The following VLDLR variants were observed in gnomAD, a reference collection of about 807,000 sequenced individuals.
VLDLR encodes very low density lipoprotein receptor, also known as very low-density lipoprotein receptor.
VLDLR carries 81 observed loss-of-function variants against 112.7 expected under a neutral mutation model. The ratio of observed to expected loss-of-function variants is 0.72; its 90% CI spans 0.60 to 0.86. The LOEUF is 0.86. Among genes scored for constraint, VLDLR ranks in the 40% least tolerant of loss-of-function variants. The pLI, the probability that VLDLR is intolerant of heterozygous loss-of-function variation, is 0.00. For synonymous variants in VLDLR, 436 were observed against 384.8 expected, an observed-to-expected ratio of 1.13 and a Z score of -1.56; for missense variants, 1,237 against 1,099.4, an observed-to-expected ratio of 1.13 and a Z score of -1.77.
chr9:2,643,854 C>A lies in VLDLR; in HGVS notation c.961C>A (p.Pro321Thr). Residue 321 changes from proline (P) to threonine (T), a missense_variant, in exon 7 of 19, where the codon CCT (proline) becomes ACT (threonine). Pro to Thr is a conservative substitution (Grantham distance 38). Transcript: ENST00000382100. The stretch of plus-strand genomic sequence containing the variant: ...CTTTGTAGTCAATCAGTGCTTGGGC[C>A]CTGGAAAATTCAAGTGCAGAAGTGG... ...NCKNVNQCLG[P>T]GKFKCRSGEC... 1 of 1,614,094 alleles carries A rather than the reference C, an allele frequency of 6.2e-7. No homozygotes were observed. The highest frequency in any genetic ancestry group is 1.7e-5 in the Admixed American group (1 of 60,010).
chr9:2,637,814 G>T (rs927419179), intron 2 of VLDLR, among the ~76,000 whole-genome samples: 1 of 152,096 alleles, frequency 6.6e-6, no homozygotes, highest in African/African-American at 2.4e-5. Flanking sequence ...ATGGTGGCAG[G>T]TGCCTGTAGT....
At chr9:2,646,251 G>T in intron 10 of VLDLR, 83 bp from the exon 11 acceptor site, 1 of 1,350,620 alleles carries the variant, frequency 7.4e-7, no homozygotes, top group South Asian at 1.2e-5. Context: ...CAAAGTCATT[G>T]ACCATTTTGT....
In VLDLR at chr9:2,639,887, C is replaced by T. The variant is rs772606236; in HGVS notation, c.231C>T (p.Phe77=). 2.1e-5 allele frequency: 34 copies of T among 1,613,994 alleles called. No homozygotes were observed. Among genetic ancestry groups the T allele is most frequent in the Non-Finnish European group, 2.6e-5 (31 of 1,180,028 alleles). ...CVKKTCAESD[F]VCNNGQCVPS... is the part of the protein sequence containing the mutation. ...AGAAGACGTGTGCTGAATCTGACTT[C>T]GTGTGCAACAATGGCCAGTGTGTTC... Residue 77 remains phenylalanine (F), a synonymous_variant, in exon 3 of 19, where the codon TTC becomes TTT. Coordinates refer to ENST00000382100, the MANE Select transcript of VLDLR (RefSeq NM_003383.5).
In VLDLR at chr9:2,647,560, C is replaced by A; in HGVS notation, c.1790C>A (p.Ala597Glu). The A allele has an allele frequency of 6.2e-7, 1 of 1,614,048 alleles. No homozygotes were observed. Among genetic ancestry groups the A allele is most frequent in the Non-Finnish European group, 8.5e-7 (1 of 1,179,924 alleles). The change falls in exon 12 of 19, where the codon GCG (alanine) becomes GAG (glutamate). Residue 597 changes from alanine (A) to glutamate (E), a missense_variant. Transcript: ENST00000382100. ...NGFDRRPLVT[A>E]DIQWPNGITL... Reference sequence around the variant, plus strand: ...TTCGATAGACGTCCACTGGTGACAGCGGATATCCAGTGGCCTAACGGAATT... The same window carrying A: ...TTCGATAGACGTCCACTGGTGACAGAGGATATCCAGTGGCCTAACGGAATT...
At chr9:2,641,309 C>T in intron 3 of VLDLR, 68 bp from the exon 4 acceptor site, 1 of 1,610,440 alleles carries the variant, frequency 6.2e-7, no homozygotes, top group Non-Finnish European at 8.5e-7. Context: ...CGCTTCCAGG[C>T]AGCACAGGAG....
chr9:2,627,631 G>A (rs1047117980), intron 1 of VLDLR, among the ~76,000 whole-genome samples: 5 of 152,088 alleles, frequency 3.3e-5, no homozygotes, highest in African/African-American at 4.8e-5. Flanking sequence ...TTTGGAGGCC[G>A]AGGCAGGCAG....
At chr9:2,622,298 G>A (rs1300013837) in intron 1 of VLDLR, 27 bp downstream of exon 1, 12 of 1,454,130 alleles carry the variant, frequency 8.3e-6, no homozygotes, top group Non-Finnish European at 1.1e-5. Flanking sequence ...CCCTCCGCCG[G>A]CGGGCGGGAC....
At position 2,635,568 on chromosome 9, in the gene VLDLR, C is replaced by G. The variant is rs1479478230; in HGVS notation, c.198C>G (p.Asn66Lys). The G allele has an allele frequency of 1.2e-6, 2 of 1,614,024 alleles. No individual in the cohort carries two copies. The highest frequency in any genetic ancestry group is 1.7e-6 in the Non-Finnish European group (2 of 1,179,920). Residue 66 changes from asparagine to lysine, a missense_variant, in exon 2 of 19, where the codon AAC (asparagine) becomes AAG (lysine). Coordinates refer to ENST00000382100, the MANE Select transcript of VLDLR (RefSeq NM_003383.5). ...GTGTTGACGGCAGTGATGAAAAGAA[C>G]TGTGGTAAGTAAAGAGTTTGATGAC... ...EDCVDGSDEK[N>K]CVKKTCAESD...
chr9:2,652,758 G>A (rs762210676), intron 17 of VLDLR, 22 bp from the exon 18 acceptor site: 12 of 1,613,960 alleles, frequency 7.4e-6, no homozygotes, highest in South Asian at 1.1e-5. Flanking sequence ...AGCTCACTTA[G>A]CTACCCTCTG....
At chr9:2,642,918 T>C (rs1034457433) in intron 4 of VLDLR, among the ~76,000 whole-genome samples, 1 of 152,242 alleles carries the variant, frequency 6.6e-6, no homozygotes, top group Non-Finnish European at 1.5e-5. Flanking sequence ...CATCTCAAAT[T>C]AATTTCCAGT....
In VLDLR at chr9:2,623,570, A is replaced by C. The variant is rs1816939291; in HGVS notation, c.82+1299A>C. On this transcript the variant is annotated intron_variant, in intron 1 of 18. Transcript: ENST00000382100. ...AGCGCCTGGGGTTTTTACGTCTCCG[A>C]ATGCCCCTGCCCTTTGGTTGCCACT... Among the ~76,000 whole-genome samples the C allele has an allele frequency of 1.3e-5, 2 of 152,210 alleles. 1 individual carries two copies. Among genetic ancestry groups the C allele is most frequent in the South Asian group, 4.1e-4 (2 of 4,832 alleles).
At chr9:2,631,080 T>C (rs747373554) in intron 1 of VLDLR, among the ~76,000 whole-genome samples, 1 of 152,190 alleles carries the variant, frequency 6.6e-6, no homozygotes, top group African/African-American at 2.4e-5. Flanking sequence ...CCATTACTAA[T>C]CATTAGAGAA....
In VLDLR at chr9:2,631,221, G is replaced by A. The variant is rs144291031; in HGVS notation, c.83-4232G>A. Among the ~76,000 whole-genome samples the A allele has an allele frequency of 1.1e-3, 162 of 152,314 alleles. 1 individual carries two copies. Among genetic ancestry groups the A allele is most frequent in the African/African-American group, 3.5e-3 (145 of 41,574 alleles). On this transcript the variant is annotated intron_variant, in intron 1 of 18. Transcript: ENST00000382100. ...AGTCTTATACACTGCTGGTGAGAAT[G>A]TAAACTAATACAGCCACCAAGGAAA...
intron 2 of VLDLR, among the ~76,000 whole-genome samples, chr9:2,638,935 A>G (rs1817714975): frequency 6.6e-6 from 1 of 152,212 alleles, no homozygotes; most frequent in South Asian, 2.1e-4. Flanking sequence ...TAAGTACAAC[A>G]TCTCTTGTTA....
At chr9:2,649,256 G>A (rs1003111420) in intron 14 of VLDLR, among the ~76,000 whole-genome samples, 1 of 152,184 alleles carries the variant, frequency 6.6e-6, no homozygotes, top group African/African-American at 2.4e-5. Context: ...TGCCAGGAGG[G>A]TTGGTGCCTC....
chr9:2,641,354 T>C (rs748861497), intron 3 of VLDLR, 23 bp from the exon 4 acceptor site: 4 of 1,613,786 alleles, frequency 2.5e-6, no homozygotes, highest in South Asian at 2.2e-5. Context: ...TGAGGCTCTT[T>C]TGAGACTGTA....
chr9:2,652,574 T>G (rs1195896151), intron 17 of VLDLR, among the ~76,000 whole-genome samples: 3 of 152,174 alleles, frequency 2.0e-5, no homozygotes, highest in African/African-American at 7.2e-5. Context: ...ATGTGGCTAG[T>G]CCAGCTCCAG....
In VLDLR at chr9:2,653,144, T is replaced by G. The variant is rs147456705; in HGVS notation, c.2586+195T>G. On this transcript the variant is annotated intron_variant, in intron 18 of 18. Coordinates refer to ENST00000382100, the MANE Select transcript of VLDLR (RefSeq NM_003383.5). ...TGATCAGCATCTAACCCTCACCAACTGACAAGTGGGTCAACTTAAAGTCAC... is the reference window on the plus strand; with the variant it reads ...TGATCAGCATCTAACCCTCACCAACGGACAAGTGGGTCAACTTAAAGTCAC... Among the ~76,000 whole-genome samples the G allele has an allele frequency of 2.0e-3, 303 of 152,304 alleles. 2 individuals are homozygous for G. Among genetic ancestry groups the G allele is most frequent in the African/African-American group, 6.8e-3 (281 of 41,558 alleles).
At chr9:2,639,274 C>G (rs1323123988) in intron 2 of VLDLR, among the ~76,000 whole-genome samples, 1 of 152,178 alleles carries the variant, frequency 6.6e-6, no homozygotes, top group African/African-American at 2.4e-5. Context: ...TAGTAGATAA[C>G]AAAGAGAGAG....
Sources: gnomAD v4.1 joint callset for allele counts (sites outside exome capture counted in the v4.1 genomes callset) on GRCh38, gnomAD v4.1.1 for gene constraint, MANE v1.5 for transcripts, NCBI Gene and HGNC (gene_info 2026-07-23, HGNC 2026-07-21) for gene names.